Variants in TMEM214 observed in about 807,000 individuals in gnomAD.
The protein encoded by TMEM214 is transmembrane protein 214.
In TMEM214, 71 loss-of-function variants were observed where a neutral mutation model predicts 89.8. The ratio of observed to expected loss-of-function variants is 0.79; its 90% CI spans 0.65 to 0.96. The LOEUF is 0.96. TMEM214 is among the 40% of genes least tolerant of loss of function. The probability of loss-of-function intolerance (pLI) is 0.00; values close to 1 mark genes in which losing one functional copy is unlikely to be tolerated. For synonymous variants in TMEM214, 332 were observed against 349.5 expected, an observed-to-expected ratio of 0.95 and a Z score of 0.56; for missense variants, 754 against 843.4, an observed-to-expected ratio of 0.89 and a Z score of 1.31.
Position 27,037,573 on chromosome 2 carries a change from G to T in TMEM214, c.1023G>T (p.Gln341His). Residue 341 changes from glutamine (Q) to histidine (H), a missense_variant, in exon 9 of 17, where the codon CAG becomes CAT. By Grantham distance (24) the Gln-to-His change is conservative. Coordinates refer to ENST00000238788, the MANE Select transcript of TMEM214 (RefSeq NM_017727.5). ...CCACCCCACCCAGCCTGCAGGAGCAGCTGTGTCAGCTCTACCCCCGACTGA... is the reference window on the plus strand; with the variant it reads ...CCACCCCACCCAGCCTGCAGGAGCATCTGTGTCAGCTCTACCCCCGACTGA... Reference protein sequence around the residue: ...NNSLTPSLQEQLCQLYPRLKV... With the variant: ...NNSLTPSLQEHLCQLYPRLKV... The T allele has an allele frequency of 6.2e-7, 1 of 1,614,158 alleles. No homozygotes were observed. Among genetic ancestry groups the T allele is most frequent in the African/African-American group, 1.3e-5 (1 of 75,018 alleles).
Position 27,038,235 on chromosome 2 carries a change from C to T in TMEM214, c.1242C>T (p.Ser414=), listed in dbSNP as rs901857543. ...TGTACCCTAAGCACCTGTCACAGTCCAGGCAGGTGGGGTGGGAGGCCAGCC... is the reference window on the plus strand; with the variant it reads ...TGTACCCTAAGCACCTGTCACAGTCTAGGCAGGTGGGGTGGGAGGCCAGCC... ...RQLYPKHLSQ[S]SLLLEHLLSS... The change falls in exon 10 of 17, where the codon TCC becomes TCT. Residue 414 remains serine, a splice_region_variant and synonymous_variant. Coordinates refer to ENST00000238788, the MANE Select transcript of TMEM214 (RefSeq NM_017727.5). The surrounding 1 kb of genome is among the most constrained non-coding windows in gnomAD (Gnocchi z 4.4). 1 of 1,613,176 alleles carries T rather than the reference C, an allele frequency of 6.2e-7. No individual in the cohort carries two copies. The highest frequency in any genetic ancestry group is 8.5e-7 in the Non-Finnish European group (1 of 1,179,252).
rs1228952841 is a variant in TMEM214, at chr2:27,039,066, A to G, written c.1427A>G (p.Gln476Arg). Residue 476 changes from glutamine to arginine, a missense_variant, in exon 13 of 17, where the codon CAG becomes CGG. By Grantham distance (43) the Gln-to-Arg change is conservative. Coordinates refer to ENST00000238788, the MANE Select transcript of TMEM214 (RefSeq NM_017727.5). ...CACCAGGGCCTGTTGCAGCAGGTTC[A>G]GGGTCCTCGGCTGCCCTGGACGCGG... Reference protein sequence around the residue: ...MACKGLLQQVQGPRLPWTRLL... With the variant: ...MACKGLLQQVRGPRLPWTRLL... 6 of 1,613,586 alleles carry G rather than the reference A, an allele frequency of 3.7e-6. No homozygotes were observed. In the East Asian group the frequency reaches 1.1e-4, roughly 30 times the overall value.
Position 27,038,917 on chromosome 2 carries a change from G to C in TMEM214, c.1407+102G>C. The C allele has an allele frequency of 7.1e-7, 1 of 1,401,512 alleles. No homozygotes were observed. The highest frequency in any genetic ancestry group is 1.0e-6 in the Non-Finnish European group (1 of 995,240). The allele number at this position is 1,401,512 out of a possible 1,614,324, so 86.8% of individuals were successfully genotyped here. A position where few individuals can be genotyped will look rare whatever the true frequency, so the allele number is the denominator to read the frequency against. Reference sequence around the variant, plus strand: ...CACATTCCTGCCCCACCTGTCTGGAGCCCCCCGCTGCCTCCAGGATAATGT... The same window carrying C: ...CACATTCCTGCCCCACCTGTCTGGACCCCCCCGCTGCCTCCAGGATAATGT... On this transcript the variant is annotated intron_variant, in intron 12 of 16. Transcript: ENST00000238788. This position sits in a 1 kb window ranked among gnomAD's most constrained non-coding sequence, Gnocchi z 4.4.
At position 27,038,264 on chromosome 2, in the gene TMEM214, C is replaced by T; in HGVS notation, c.1244+27C>T. On this transcript the variant is annotated intron_variant, in intron 10 of 16. Coordinates refer to ENST00000238788, the MANE Select transcript of TMEM214 (RefSeq NM_017727.5). The surrounding 1 kb of genome is among the most constrained non-coding windows in gnomAD (Gnocchi z 4.4). ...CAGGTGGGGTGGGAGGCCAGCCTGT[C>T]CCTGTGCTAGAAGCAGAAGGGGAGC... 1 of 1,609,002 alleles carries T rather than the reference C, an allele frequency of 6.2e-7. No individual in the cohort carries two copies. The highest frequency in any genetic ancestry group is 1.7e-4 in the Middle Eastern group (1 of 6,044).
Position 27,038,629 on chromosome 2 carries a change from C to G in TMEM214, c.1294-73C>G. 6.3e-7 allele frequency: 1 copy of G among 1,598,652 alleles called. No homozygotes were observed. The highest frequency in any genetic ancestry group is 8.6e-7 in the Non-Finnish European group (1 of 1,167,598). ...CACTGTCCCTTCCCTGAGAAGGGAC[C>G]CTGTTGGCATGGAAAATGAAGCAGG... On this transcript the variant is annotated intron_variant, in intron 11 of 16. Transcript: ENST00000238788. The surrounding 1 kb of genome is among the most constrained non-coding windows in gnomAD (Gnocchi z 4.4).
rs1242660143 is a variant in TMEM214 at position 27,040,771 on chromosome 2, G to A, written c.2004G>A (p.Trp668Ter). Residue 668 changes from tryptophan to a stop codon, truncating the protein, a stop_gained, in exon 17 of 17, where the codon TGG (tryptophan) becomes TGA (stop). Transcript: ENST00000238788. LOFTEE classifies it high-confidence loss of function. ...TCAGTGAGGCTGTCCACTGGACCTG[G>A]CTTTGCCTACAGGACATTACAGTGG... ...TQLSEAVHWT[W>*]LCLQDITVAF... 2 of 1,614,178 alleles carry A rather than the reference G, an allele frequency of 1.2e-6. No homozygotes were observed. Among genetic ancestry groups the A allele is most frequent in the Non-Finnish European group, 1.7e-6 (2 of 1,180,030 alleles).
chr2:27,036,385 G>A lies in TMEM214; in HGVS notation c.721-102G>A, dbSNP rs1667558658. On this transcript the variant is annotated intron_variant, in intron 5 of 16. Transcript: ENST00000238788. ...ATAGTGCTCCACTCTTGCTCGGCCT[G>A]TCCTCCCTCTTCCAGTTGACATCTC... 2.1e-5 allele frequency: 21 copies of A among 1,023,564 alleles called. 1 individual carries two copies. In the South Asian group the frequency reaches 2.4e-4, roughly 12 times the overall value. The allele number at this position is 1,023,564 out of a possible 1,614,324, so 63.4% of individuals were successfully genotyped here. A position where few individuals can be genotyped will look rare whatever the true frequency, so the allele number is the denominator to read the frequency against.
rs534627832 is a variant in TMEM214 at position 27,036,967 on chromosome 2, T to C, written c.909-110T>C. On this transcript the variant is annotated intron_variant, in intron 7 of 16. Coordinates refer to ENST00000238788, the MANE Select transcript of TMEM214 (RefSeq NM_017727.5). ...GAGGGAGCTATTAAGGGCTGGCAGATGGGGTAGAGTTTATACCCTTTTTCC... is the reference window on the plus strand; with the variant it reads ...GAGGGAGCTATTAAGGGCTGGCAGACGGGGTAGAGTTTATACCCTTTTTCC... 24 of 1,127,740 alleles carry C rather than the reference T, an allele frequency of 2.1e-5. No homozygotes were observed. In the South Asian group the frequency reaches 2.8e-4, roughly 13 times the overall value. 69.9% of individuals were successfully genotyped at this position (1,127,740 alleles called of 1,614,324 possible).
chr2:27,036,874 A>G (rs1015314165), intron 7 of TMEM214, 88 bp downstream of exon 7: 50 of 1,398,994 alleles, frequency 3.6e-5, no homozygotes, highest in Admixed American at 1.0e-4. Flanking sequence ...CTTGGTCTCC[A>G]TGGATATGAG....
chr2:27,033,003 A>G lies in TMEM214; in HGVS notation c.-13A>G, dbSNP rs1228762344. On this transcript the variant is annotated 5_prime_UTR_variant, in exon 1 of 17. Coordinates refer to ENST00000238788, the MANE Select transcript of TMEM214 (RefSeq NM_017727.5). ...AAGCCGGGGAAGTGGCCGAGGAGGGAGGGCTGCGAGCCATGGCGACCAAGA... is the reference window on the plus strand; with the variant it reads ...AAGCCGGGGAAGTGGCCGAGGAGGGGGGGCTGCGAGCCATGGCGACCAAGA... 2 of 1,244,908 alleles carry G rather than the reference A, an allele frequency of 1.6e-6. No individual in the cohort carries two copies. The highest frequency in any genetic ancestry group is 3.1e-5 in the African/African-American group (2 of 64,226). The allele number at this position is 1,244,908 out of a possible 1,614,324, so 77.1% of individuals were successfully genotyped here.
intron 9 of TMEM214, 50 bp downstream of exon 9, chr2:27,037,752 G>A (rs1372539023): frequency 1.9e-6 from 3 of 1,614,084 alleles, no homozygotes; most frequent in Middle Eastern, 1.6e-4. Context: ...GTCAGCTGTA[G>A]CGGTCCCTAT....
At chr2:27,035,772 CT>C (rs1232413199) in intron 4 of TMEM214, 44 bp downstream of exon 4, 2 of 1,612,932 alleles carry the variant, frequency 1.2e-6, no homozygotes, top group Admixed American at 1.7e-5. Context: ...GAGCCTCCTC[CT>C]TTTTTTCCTG....
Position 27,038,983 on chromosome 2 carries a change from T to A in TMEM214, c.1408-64T>A. On this transcript the variant is annotated intron_variant, in intron 12 of 16. Coordinates refer to ENST00000238788, the MANE Select transcript of TMEM214 (RefSeq NM_017727.5). The surrounding 1 kb of genome is among the most constrained non-coding windows in gnomAD (Gnocchi z 4.4). ...TTTCGGGAAGGCCTGGCTTGAGGTC[T>A]GCCCTCAGAGGCAAAGACCAGCCCC... 6.4e-7 allele frequency: 1 copy of A among 1,565,726 alleles called. No individual in the cohort carries two copies. Among genetic ancestry groups the A allele is most frequent in the Non-Finnish European group, 8.8e-7 (1 of 1,140,118 alleles).
chr2:27,040,342 C>T lies in TMEM214; in HGVS notation c.1792-3C>T. On this transcript the variant is annotated splice_polypyrimidine_tract_variant and splice_region_variant and intron_variant, in intron 15 of 16. Coordinates refer to ENST00000238788, the MANE Select transcript of TMEM214 (RefSeq NM_017727.5). ...CTGACCCCATCCATTCTCCATGGTC[C>T]AGCTACAGATCCAGCTCCCCGATTC... 1 of 1,614,140 alleles carries T rather than the reference C, an allele frequency of 6.2e-7. No individual in the cohort carries two copies. The highest frequency in any genetic ancestry group is 1.1e-5 in the South Asian group (1 of 91,080).
Position 27,040,990 on chromosome 2 carries a change from T to C in TMEM214, c.*153T>C. Reference sequence around the variant, plus strand: ...AGTTGCCTCCACCTCAGTTCTTCCATCTTTGGTGGGGACAGGGCCCAGCAG... The same window carrying C: ...AGTTGCCTCCACCTCAGTTCTTCCACCTTTGGTGGGGACAGGGCCCAGCAG... On this transcript the variant is annotated 3_prime_UTR_variant, in exon 17 of 17. Coordinates refer to ENST00000238788, the MANE Select transcript of TMEM214 (RefSeq NM_017727.5). The C allele has an allele frequency of 1.1e-6, 1 of 912,360 alleles. No individual in the cohort carries two copies. Among genetic ancestry groups the C allele is most frequent in the Non-Finnish European group, 1.6e-6 (1 of 611,280 alleles). The allele number at this position is 912,360 out of a possible 1,614,324, so 56.5% of individuals were successfully genotyped here. A position where few individuals can be genotyped will look rare whatever the true frequency, so the allele number is the denominator to read the frequency against.
chr2:27,035,224 C>G lies in TMEM214; in HGVS notation c.441C>G (p.Ser147Arg), dbSNP rs1370101674. 6.2e-7 allele frequency: 1 copy of G among 1,614,198 alleles called. No homozygotes were observed. Among genetic ancestry groups the G allele is most frequent in the Admixed American group, 1.7e-5 (1 of 60,016 alleles). The change falls in exon 3 of 17, where the codon AGC becomes AGG. Residue 147 changes from serine (S) to arginine (R), a missense_variant. Ser to Arg is a moderately radical substitution (Grantham distance 110). Coordinates refer to ENST00000238788, the MANE Select transcript of TMEM214 (RefSeq NM_017727.5). ...NPSIWLKDLA[S>R]YLNYKLQAPL... ...CCATATGGTTGAAGGACCTGGCCAG[C>G]TATCTCAACTACAAGCTACAAGCTC...
chr2:27,038,245 G>A lies in TMEM214; in HGVS notation c.1244+8G>A. Reference sequence around the variant, plus strand: ...GCACCTGTCACAGTCCAGGCAGGTGGGGTGGGAGGCCAGCCTGTCCCTGTG... The same window carrying A: ...GCACCTGTCACAGTCCAGGCAGGTGAGGTGGGAGGCCAGCCTGTCCCTGTG... On this transcript the variant is annotated splice_region_variant and intron_variant, in intron 10 of 16. Transcript: ENST00000238788. The surrounding 1 kb of genome is among the most constrained non-coding windows in gnomAD (Gnocchi z 4.4). The A allele has an allele frequency of 1.9e-6, 3 of 1,612,152 alleles. No individual in the cohort carries two copies. Among genetic ancestry groups the A allele is most frequent in the Non-Finnish European group, 2.5e-6 (3 of 1,178,434 alleles).
rs1667693595 is a variant in TMEM214, at chr2:27,038,935, G to T, written c.1408-112G>T. Reference sequence around the variant, plus strand: ...GTCTGGAGCCCCCCGCTGCCTCCAGGATAATGTGAAGGCTTGACGCTCTTT... The same window carrying T: ...GTCTGGAGCCCCCCGCTGCCTCCAGTATAATGTGAAGGCTTGACGCTCTTT... On this transcript the variant is annotated intron_variant, in intron 12 of 16. Transcript: ENST00000238788. The surrounding 1 kb of genome is among the most constrained non-coding windows in gnomAD (Gnocchi z 4.4). 1 of 1,445,100 alleles carries T rather than the reference G, an allele frequency of 6.9e-7. No homozygotes were observed. The highest frequency in any genetic ancestry group is 1.2e-5 in the South Asian group (1 of 86,070). 89.5% of individuals were successfully genotyped at this position (1,445,100 alleles called of 1,614,324 possible). A position where few individuals can be genotyped will look rare whatever the true frequency, so the allele number is the denominator to read the frequency against.
chr2:27,033,275 C>A, intron 1 of TMEM214, 109 bp downstream of exon 1: 1 of 1,104,118 alleles, frequency 9.1e-7, no homozygotes, highest in Non-Finnish European at 1.2e-6. Flanking sequence ...CCGAGCGCCA[C>A]GCTTGCGTTG....
Sources: gnomAD v4.1 joint callset for allele counts on GRCh38, gnomAD v4.1.1 for gene constraint, Gnocchi (gnomAD v3.1) non-coding constraint, MANE v1.5 for transcripts, NCBI Gene and HGNC (gene_info 2026-07-23, HGNC 2026-07-21) for gene names.